ABCC1: variants seen among roughly 807,000 people sequenced by gnomAD.
ABCC1 encodes the protein ATP binding cassette subfamily C member 1 (ABCC1 blood group), also known as multidrug resistance-associated protein 1.
In ABCC1, 83 loss-of-function variants were observed where a neutral mutation model predicts 172.9. The ratio of observed to expected loss-of-function variants is 0.48; its 90% confidence interval spans 0.40 to 0.58. ABCC1 has a LOEUF of 0.58. ABCC1 is among the 20% of genes least tolerant of loss of function. ABCC1 has a pLI of 0.00. For synonymous variants in ABCC1, 937 were observed against 825.2 expected (o/e 1.14, Z -2.32); for missense variants, 1,817 against 2,002.7 (o/e 0.91, Z 1.77).
intron 6 of ABCC1, among the ~76,000 whole-genome samples, chr16:16,033,622 CCATTT>C (rs1335284025): frequency 1.3e-5 from 2 of 152,032 alleles, no homozygotes; most frequent in Non-Finnish European, 2.9e-5. Flanking sequence ...ACCAGTGTCA[CCATTT>C]TAGTATGCCT....
intron 1 of ABCC1, among the ~76,000 whole-genome samples, chr16:15,963,299 A>G (rs1451763935): frequency 6.6e-6 from 1 of 152,178 alleles, no homozygotes; most frequent in Non-Finnish European, 1.5e-5. Flanking sequence ...CTGCTTTCAC[A>G]GGTTGGCGTT....
rs779007189 is a variant in ABCC1 at position 16,052,731 on chromosome 16, G to A, written c.1388G>A (p.Gly463Asp). 8 of 1,614,068 alleles carry A rather than the reference G, an allele frequency of 5.0e-6. No homozygotes were observed. Among genetic ancestry groups the A allele is most frequent in the Non-Finnish European group, 5.9e-6 (7 of 1,179,986 alleles). ...LALYLLWLNL[G>D]PSVLAGVAVM... ...TCTCCTTTCCTTCCTTAGAATCTGG[G>A]CCCTTCCGTCCTGGCTGGAGTGGCG... The change falls in exon 11 of 31, where the codon GGC (glycine) becomes GAC (aspartate). Residue 463 changes from glycine to aspartate, a missense_variant. Gly to Asp is a moderately conservative substitution (Grantham distance 94). Transcript: ENST00000399410.
chr16:15,982,529 C>T (rs1385937558), intron 1 of ABCC1, among the ~76,000 whole-genome samples: 1 of 151,744 alleles, frequency 6.6e-6, no homozygotes, highest in African/African-American at 2.4e-5. Context: ...GGTAACCACC[C>T]CCATGATTCA....
intron 3 of ABCC1, among the ~76,000 whole-genome samples, chr16:16,011,077 T>TA (rs1555481708): frequency 2.0e-5 from 3 of 151,728 alleles, no homozygotes; most frequent in African/African-American, 7.3e-5. Context: ...CTACTAAAAA[T>TA]AAAAAAATTA....
chr16:16,104,600 G>A (rs1040024024), intron 20 of ABCC1, among the ~76,000 whole-genome samples: 2 of 152,214 alleles, frequency 1.3e-5, no homozygotes, highest in East Asian at 3.9e-4. Context: ...AGCCCAGCTG[G>A]CTTCACCAGG....
intron 1 of ABCC1, among the ~76,000 whole-genome samples, chr16:15,996,206 A>C (rs142642020): frequency 0.015 from 2,258 of 151,886 alleles, 52 homozygotes; most frequent in African/African-American, 0.052. Flanking sequence ...GCTGGTCTCG[A>C]ACTCCTGACC....
At chr16:16,006,636 C>T (rs1025282283) in intron 1 of ABCC1, among the ~76,000 whole-genome samples, 2 of 151,520 alleles carry the variant, frequency 1.3e-5, no homozygotes, top group Non-Finnish European at 1.5e-5. Context: ...TGGCAAAATG[C>T]AGACTTGAAC....
chr16:16,034,952 C>T (rs2048698511), intron 6 of ABCC1, among the ~76,000 whole-genome samples: 1 of 152,046 alleles, frequency 6.6e-6, no homozygotes, highest in Non-Finnish European at 1.5e-5. Context: ...TTTGTGTGTG[C>T]ATGTCAATGG....
chr16:15,961,014 TTTTTTTTTTTA>T (rs1299799708), intron 1 of ABCC1, among the ~76,000 whole-genome samples: 3 of 58,586 alleles, frequency 5.1e-5, no homozygotes, highest in South Asian at 1.4e-3. Context: ...TTTTTTTTTT[TTTTTTTTTTTA>T]AAATAGATGG....
intron 10 of ABCC1, among the ~76,000 whole-genome samples, chr16:16,048,609 C>T (rs1042277669): frequency 2.6e-5 from 4 of 152,182 alleles, no homozygotes; most frequent in African/African-American, 4.8e-5. Context: ...TCCTCCCAAA[C>T]GCTAACCAGA....
intron 1 of ABCC1, among the ~76,000 whole-genome samples, chr16:15,984,377 G>A (rs2046696807): frequency 6.6e-6 from 1 of 151,692 alleles, no homozygotes; most frequent in South Asian, 2.1e-4. Flanking sequence ...ATTCCAGAGG[G>A]ATAAATGAGA....
At chr16:16,139,315 A>T (rs199626739) in intron 30 of ABCC1, among the ~76,000 whole-genome samples, 68 of 138,604 alleles carry the variant, frequency 4.9e-4, no homozygotes, top group Middle Eastern at 8.0e-3. Flanking sequence ...TATTTTTTTT[A>T]AAAAATCAGA....
At chr16:15,994,562 A>G (rs921200286) in intron 1 of ABCC1, among the ~76,000 whole-genome samples, 1 of 152,176 alleles carries the variant, frequency 6.6e-6, no homozygotes, top group Non-Finnish European at 1.5e-5. Context: ...CTCAGCATTT[A>G]GAAATGTCCT....
intron 5 of ABCC1, among the ~76,000 whole-genome samples, chr16:16,032,242 G>A (rs1210116199): frequency 2.0e-5 from 3 of 152,178 alleles, no homozygotes; most frequent in East Asian, 3.9e-4. Context: ...GCCTGCCTCG[G>A]TCTCCGAAAG....
intron 1 of ABCC1, among the ~76,000 whole-genome samples, chr16:15,973,374 G>A (rs1273161104): frequency 1.3e-5 from 2 of 152,122 alleles, no homozygotes; most frequent in East Asian, 1.9e-4. Flanking sequence ...GGGAGCGCAC[G>A]CCTAGAGTCT....
chr16:16,012,586 T>C (rs997612301), intron 3 of ABCC1, among the ~76,000 whole-genome samples: 1 of 151,468 alleles, frequency 6.6e-6, no homozygotes. Flanking sequence ...CCCTCTGCCT[T>C]GGCCTCCTAA....
intron 6 of ABCC1, among the ~76,000 whole-genome samples, chr16:16,035,374 A>T (rs1036928363): frequency 6.6e-6 from 1 of 152,162 alleles, no homozygotes; most frequent in Non-Finnish European, 1.5e-5. Context: ...TCCAGCCTGG[A>T]TGGAGTGACA....
chr16:16,004,321 C>T (rs1016860863), intron 1 of ABCC1, among the ~76,000 whole-genome samples: 2 of 152,114 alleles, frequency 1.3e-5, no homozygotes. Context: ...TACATAACTG[C>T]ATATGTCAAG....
intron 1 of ABCC1, among the ~76,000 whole-genome samples, chr16:15,999,541 G>T (rs1205299766): frequency 2.0e-5 from 3 of 151,582 alleles, no homozygotes; most frequent in African/African-American, 7.3e-5. Context: ...TTTGAACCCG[G>T]GAGGCAGAGA....
Sources: gnomAD v4.1 joint callset for allele counts (sites outside exome capture counted in the v4.1 genomes callset) on GRCh38, gnomAD v4.1.1 for gene constraint, MANE v1.5 for transcripts, NCBI Gene and HGNC (gene_info 2026-07-23, HGNC 2026-07-21) for gene names.